Variants in ANP32A observed in about 807,000 individuals in gnomAD.
The protein encoded by ANP32A is acidic nuclear phosphoprotein 32 family member A, also known as acidic leucine-rich nuclear phosphoprotein 32 family member A.
A neutral mutation model predicts 33.9 loss-of-function variants in ANP32A; 1 was observed. The ratio of observed to expected loss-of-function variants is 0.03; its 90% CI spans 0.01 to 0.14. The LOEUF (loss-of-function observed/expected upper bound fraction) is 0.14. Ranked by LOEUF, ANP32A falls within the 10% of genes least tolerant of loss-of-function variation. ANP32A has a pLI of 1.00. For synonymous variants in ANP32A, 115 were observed against 120.5 expected, an observed-to-expected ratio of 0.95 and a Z score of 0.30; for missense variants, 155 against 306.0, an observed-to-expected ratio of 0.51 and a Z score of 3.68.
intron 1 of ANP32A, among the ~76,000 whole-genome samples, chr15:68,816,201 A>G (rs1387933683): frequency 6.6e-6 from 1 of 152,132 alleles, no homozygotes; most frequent in Non-Finnish European, 1.5e-5. Context: ...TTCTCTTTCT[A>G]CGGTGGCACC....
chr15:68,807,846 G>C (rs1445163910), intron 1 of ANP32A, among the ~76,000 whole-genome samples: 1 of 152,094 alleles, frequency 6.6e-6, no homozygotes, highest in Non-Finnish European at 1.5e-5. Context: ...CTGGGCCCCC[G>C]CCCTTTTACA....
chr15:68,782,847 G>A lies in ANP32A; in HGVS notation c.624+109C>T, dbSNP rs927109853. ...GACTCACTTCACTACCCATCGGGGA[G>A]CGACTTTCCTAACCAGGGCTCCGGG... On this transcript the variant is annotated intron_variant, in intron 5 of 6. Transcript: ENST00000465139. 2.0e-6 allele frequency: 3 copies of A among 1,492,422 alleles called. No homozygotes were observed. In the South Asian group the frequency reaches 4.0e-5, roughly 20 times the overall value. The allele number at this position is 1,492,422 out of a possible 1,614,324, so 92.4% of individuals were successfully genotyped here. A position where few individuals can be genotyped will look rare whatever the true frequency, so the allele number is the denominator to read the frequency against.
At position 68,786,296 on chromosome 15, in the gene ANP32A, G is replaced by C. The variant is rs146536419; in HGVS notation, c.327+1117C>G. On this transcript the variant is annotated intron_variant, in intron 3 of 6. Coordinates refer to ENST00000465139, the MANE Select transcript of ANP32A (RefSeq NM_006305.4). ...TTTTTTGGAGACAGAGTCTCACTCT[G>C]TCACCCAGGCTGGAGTGCAGTGACG... Among the ~76,000 whole-genome samples the C allele has an allele frequency of 8.9e-3, 1,052 of 118,804 alleles. 11 individuals carry two copies. The highest frequency in any genetic ancestry group is 0.059 in the South Asian group (224 of 3,774). 77.9% of individuals were successfully genotyped at this position (118,804 alleles called of 152,430 possible). A position where few individuals can be genotyped will look rare whatever the true frequency, so the allele number is the denominator to read the frequency against.
chr15:68,791,409 C>T (rs1301539672), intron 1 of ANP32A: 1 of 152,342 alleles, frequency 6.6e-6, no homozygotes, highest in Non-Finnish European at 1.5e-5. Flanking sequence ...GGAAAGGGAT[C>T]ACACCTTCCC....
At chr15:68,809,080 CAG>C (rs1267994807) in intron 1 of ANP32A, among the ~76,000 whole-genome samples, 4 of 152,190 alleles carry the variant, frequency 2.6e-5, no homozygotes, top group Non-Finnish European at 5.9e-5. Context: ...AGGACATGGG[CAG>C]AGAGAACCCG....
At chr15:68,794,164 C>T (rs1894033652) in intron 1 of ANP32A, among the ~76,000 whole-genome samples, 1 of 152,226 alleles carries the variant, frequency 6.6e-6, no homozygotes, top group Non-Finnish European at 1.5e-5. Context: ...AGCCACTTGC[C>T]TTCCCCTTTT....
chr15:68,803,370 G>A (rs1894164570), intron 1 of ANP32A, among the ~76,000 whole-genome samples: 1 of 152,226 alleles, frequency 6.6e-6, no homozygotes, highest in Non-Finnish European at 1.5e-5. Context: ...AGGTGTTCCA[G>A]GCAAAGGCAC....
At chr15:68,818,960 T>A (rs1023636875) in intron 1 of ANP32A, among the ~76,000 whole-genome samples, 2 of 150,196 alleles carry the variant, frequency 1.3e-5, no homozygotes, top group Non-Finnish European at 3.0e-5. Context: ...CGCCCCCTCC[T>A]CTCCCGCGGC....
At chr15:68,799,709 A>G (rs904706437) in intron 1 of ANP32A, among the ~76,000 whole-genome samples, 2 of 152,192 alleles carry the variant, frequency 1.3e-5, no homozygotes, top group East Asian at 3.8e-4. Flanking sequence ...AACACTCTGC[A>G]CTGACAGGAC....
In ANP32A at chr15:68,787,267, A is replaced by G. The variant is rs538119156; in HGVS notation, c.327+146T>C. 1.2e-5 allele frequency: 14 copies of G among 1,202,162 alleles called. No individual in the cohort carries two copies. The African/African-American group carries it at 2.0e-4, about 17-fold the overall frequency. 74.5% of individuals were successfully genotyped at this position (1,202,162 alleles called of 1,614,324 possible). On this transcript the variant is annotated intron_variant, in intron 3 of 6. Transcript: ENST00000465139. ...CTCAGTTTCTCTATGGACTCAGCAG[A>G]AACAATAGCTCAATTCTATCTCATA...
chr15:68,818,271 C>T, intron 1 of ANP32A: 1 of 274,138 alleles, frequency 3.6e-6, no homozygotes, highest in South Asian at 2.7e-5. Context: ...TTCGGCGTCG[C>T]GGCATGGCCA....
At chr15:68,813,673 A>G (rs1178848741) in intron 1 of ANP32A, among the ~76,000 whole-genome samples, 1 of 152,118 alleles carries the variant, frequency 6.6e-6, no homozygotes, top group Non-Finnish European at 1.5e-5. Flanking sequence ...AAACATTTCT[A>G]AAGGAATGCC....
Position 68,784,504 on chromosome 15 carries a change from G to A in ANP32A, c.419C>T (p.Pro140Leu). ...DYRENVFKLL[P>L]QLTYLDGYDR... ...ATAGCCGTCGAGATATGTGAGTTGCGGGAGGAGCTTGAACACATTTTCTCG... is the reference window on the plus strand; with the variant it reads ...ATAGCCGTCGAGATATGTGAGTTGCAGGAGGAGCTTGAACACATTTTCTCG... Residue 140 changes from proline (P) to leucine (L), a missense_variant, in exon 4 of 7, where the codon CCG (proline) becomes CTG (leucine). Physicochemically the swap from Pro to Leu is moderately conservative, Grantham distance 98. Transcript: ENST00000465139. 2 of 1,614,162 alleles carry A rather than the reference G, an allele frequency of 1.2e-6. No individual in the cohort carries two copies. The highest frequency in any genetic ancestry group is 1.7e-6 in the Non-Finnish European group (2 of 1,180,030).
chr15:68,793,196 C>T (rs1356587455), intron 1 of ANP32A, among the ~76,000 whole-genome samples: 3 of 152,214 alleles, frequency 2.0e-5, no homozygotes, highest in South Asian at 2.1e-4. Flanking sequence ...AGAGCAACTG[C>T]TTAACAAATG....
intron 1 of ANP32A, among the ~76,000 whole-genome samples, chr15:68,803,092 G>A (rs1287308952): frequency 6.6e-6 from 1 of 152,172 alleles, no homozygotes; most frequent in Non-Finnish European, 1.5e-5. Context: ...TGCTCCCAAA[G>A]TGTCCAGCCT....
chr15:68,819,824 A>C (rs1021454129), intron 1 of ANP32A, among the ~76,000 whole-genome samples: 1 of 152,206 alleles, frequency 6.6e-6, no homozygotes, highest in Non-Finnish European at 1.5e-5. Flanking sequence ...TCTGTGCCTT[A>C]GCACGTTCGA....
chr15:68,783,416 CAG>C (rs1893894653), intron 4 of ANP32A, among the ~76,000 whole-genome samples: 1 of 152,030 alleles, frequency 6.6e-6, no homozygotes, highest in Admixed American at 6.6e-5. Flanking sequence ...ATCTGAGGCA[CAG>C]AGAGAACTGA....
At chr15:68,818,645 T>G (rs941437500) in intron 1 of ANP32A, among the ~76,000 whole-genome samples, 4 of 151,938 alleles carry the variant, frequency 2.6e-5, no homozygotes, top group African/African-American at 9.7e-5. Context: ...CGTGGAAGTT[T>G]AAAGAGCCGG....
chr15:68,811,635 G>A (rs1312644327), intron 1 of ANP32A, among the ~76,000 whole-genome samples: 1 of 152,156 alleles, frequency 6.6e-6, no homozygotes, highest in Non-Finnish European at 1.5e-5. Context: ...AATTCCTAGT[G>A]GGAAAAAGTA....
Sources: allele counts gnomAD v4.1 joint callset (sites outside exome capture counted in the v4.1 genomes callset), GRCh38; gene constraint gnomAD v4.1.1; transcripts MANE v1.5; gene names NCBI Gene and HGNC (gene_info 2026-07-23, HGNC 2026-07-21).